SRL: variants seen among roughly 807,000 people sequenced by gnomAD.
SRL encodes sarcalumenin.
In SRL, 23 loss-of-function variants were observed where a neutral mutation model predicts 39.5. The ratio of observed to expected loss-of-function variants is 0.58; its 90% CI spans 0.42 to 0.82. The LOEUF (loss-of-function observed/expected upper bound fraction) is 0.82. Ranked by LOEUF, SRL falls within the 40% of genes least tolerant of loss-of-function variation. SRL has a pLI of 0.00. For missense variants in SRL, 592 were observed against 607.8 expected (o/e 0.97, Z 0.27); for synonymous variants, 272 against 237.4 (o/e 1.15, Z -1.34).
At chr16:4,203,060 C>T (rs1386665880) in intron 3 of SRL, 106 bp downstream of exon 3, 17 of 975,060 alleles carry the variant, frequency 1.7e-5, no homozygotes, top group Non-Finnish European at 2.8e-5. Flanking sequence ...AGCTCCTGAA[C>T]CTGTGTGGGT....
At chr16:4,194,713 C>T (rs563067262) in intron 5 of SRL, among the ~76,000 whole-genome samples, 17 of 152,194 alleles carry the variant, frequency 1.1e-4, no homozygotes, top group African/African-American at 3.6e-4. Flanking sequence ...AAAATATTGC[C>T]GTCTCCAAAC....
At chr16:4,224,362 G>A (rs766441819) in intron 1 of SRL, among the ~76,000 whole-genome samples, 3 of 152,066 alleles carry the variant, frequency 2.0e-5, no homozygotes, top group Non-Finnish European at 4.4e-5. Context: ...ACAGTGGGAG[G>A]AATTCTGAAA....
intron 1 of SRL, among the ~76,000 whole-genome samples, chr16:4,234,382 G>A (rs1347306850): frequency 2.6e-5 from 4 of 152,192 alleles, no homozygotes; most frequent in Non-Finnish European, 4.4e-5. Context: ...GAGATGGGGT[G>A]GCTCAGCAAT....
At chr16:4,240,169 C>T (rs1383338427) in intron 1 of SRL, among the ~76,000 whole-genome samples, 1 of 152,100 alleles carries the variant, frequency 6.6e-6, no homozygotes, top group Non-Finnish European at 1.5e-5. Context: ...GAATATCTGC[C>T]GCCACCCAGC....
At chr16:4,219,836 G>T (rs2052500975) in intron 1 of SRL, among the ~76,000 whole-genome samples, 1 of 152,050 alleles carries the variant, frequency 6.6e-6, no homozygotes, top group Admixed American at 6.6e-5. Flanking sequence ...GGTATTCCTG[G>T]CGTCAGCAGA....
intron 4 of SRL, among the ~76,000 whole-genome samples, chr16:4,196,324 T>G (rs1265243914): frequency 1.3e-5 from 2 of 152,156 alleles, no homozygotes; most frequent in Non-Finnish European, 2.9e-5. Context: ...TTCACCCTGT[T>G]GTGCAACCAT....
intron 1 of SRL, among the ~76,000 whole-genome samples, chr16:4,233,192 G>A (rs1014816522): frequency 6.6e-6 from 1 of 152,162 alleles, no homozygotes; most frequent in Non-Finnish European, 1.5e-5. Context: ...TCATCAGGGT[G>A]GCCTAATCTC....
At chr16:4,211,474 G>A (rs886884182) in intron 1 of SRL, among the ~76,000 whole-genome samples, 1 of 150,388 alleles carries the variant, frequency 6.6e-6, no homozygotes, top group Non-Finnish European at 1.5e-5. Context: ...TGATGGTGAT[G>A]ATGGTGATGG....
intron 1 of SRL, among the ~76,000 whole-genome samples, chr16:4,229,630 A>G (rs772025303): frequency 6.6e-6 from 1 of 152,120 alleles, no homozygotes; most frequent in Non-Finnish European, 1.5e-5. Context: ...GGACTACTAG[A>G]TGGGGGAGTG....
intron 1 of SRL, among the ~76,000 whole-genome samples, chr16:4,208,469 G>A (rs1446800206): frequency 2.0e-5 from 3 of 152,112 alleles, no homozygotes; most frequent in Admixed American, 6.5e-5. Context: ...AAAGTTGGGC[G>A]AGCCCTTCCA....
intron 1 of SRL, among the ~76,000 whole-genome samples, chr16:4,218,883 T>C (rs2052490381): frequency 6.6e-6 from 1 of 152,250 alleles, no homozygotes; most frequent in African/African-American, 2.4e-5. Context: ...ACAAATGTCC[T>C]GCCCATGTGC....
intron 1 of SRL, among the ~76,000 whole-genome samples, chr16:4,209,688 T>G (rs2052368940): frequency 6.6e-6 from 1 of 152,228 alleles, no homozygotes; most frequent in South Asian, 2.1e-4. Context: ...CAGAAAGATG[T>G]GAAGCTTGGT....
chr16:4,238,266 C>A (rs980421393), intron 1 of SRL, among the ~76,000 whole-genome samples: 4 of 152,164 alleles, frequency 2.6e-5, no homozygotes, highest in South Asian at 2.1e-4. Flanking sequence ...CTGCTCCCCA[C>A]TCCCCCAGCC....
chr16:4,207,118 C>T, intron 1 of SRL: 1 of 456,584 alleles, frequency 2.2e-6, no homozygotes, highest in Non-Finnish European at 4.4e-6. Flanking sequence ...TCCGTGGCCT[C>T]CTCGGAGGCG....
intron 1 of SRL, among the ~76,000 whole-genome samples, chr16:4,210,507 T>TTTTTTTTTTA (rs71139623): frequency 7.5e-6 from 1 of 133,166 alleles, no homozygotes; most frequent in Non-Finnish European, 1.7e-5. Flanking sequence ...TTTTTTTTTT[T>TTTTTTTTTTA]GAGACAAGGT....
At chr16:4,210,969 A>G (rs1055627115) in intron 1 of SRL, among the ~76,000 whole-genome samples, 2 of 152,134 alleles carry the variant, frequency 1.3e-5, no homozygotes, top group African/African-American at 4.8e-5. Flanking sequence ...CTGCATTTTA[A>G]CAAAATGGCC....
intron 1 of SRL, among the ~76,000 whole-genome samples, chr16:4,214,996 G>T (rs2052440185): frequency 6.6e-6 from 1 of 152,072 alleles, no homozygotes; most frequent in African/African-American, 2.4e-5. Context: ...TCAAACTCTT[G>T]ACCTCAGGTG....
intron 1 of SRL, among the ~76,000 whole-genome samples, chr16:4,235,956 T>A (rs1597299066): frequency 6.6e-6 from 1 of 151,468 alleles, no homozygotes; most frequent in East Asian, 2.0e-4. Context: ...CATAGTGTAG[T>A]CCTGGCTACT....
At chr16:4,201,456 T>C (rs1263275815) in intron 3 of SRL, among the ~76,000 whole-genome samples, 5 of 150,830 alleles carry the variant, frequency 3.3e-5, no homozygotes, top group Non-Finnish European at 5.9e-5. Flanking sequence ...TTTGGATTTT[T>C]AGTAGAGGCA....
Sources: allele counts gnomAD v4.1 joint callset (sites outside exome capture counted in the v4.1 genomes callset), GRCh38; gene constraint gnomAD v4.1.1; transcripts MANE v1.5; gene names NCBI Gene and HGNC (gene_info 2026-07-23, HGNC 2026-07-21).